FNIP1: variants seen among roughly 807,000 people sequenced by gnomAD.
FNIP1 encodes folliculin-interacting protein 1.
FNIP1 carries 40 observed loss-of-function variants against 124.5 expected under a neutral mutation model. The observed-to-expected ratio is 0.32, with a 90% confidence interval of 0.25 to 0.42. The LOEUF (loss-of-function observed/expected upper bound fraction) is 0.42. FNIP1 is among the 10% of genes least tolerant of loss of function. The probability of loss-of-function intolerance (pLI) is 1.00; values close to 1 mark genes in which losing one functional copy is unlikely to be tolerated. For synonymous variants in FNIP1, 472 were observed against 470.6 expected, an observed-to-expected ratio of 1.00 and a Z score of -0.04; for missense variants, 1,176 against 1,403.7, an observed-to-expected ratio of 0.84 and a Z score of 2.59.
At chr5:131,744,353 C>T (rs887587245) in intron 2 of FNIP1, among the ~76,000 whole-genome samples, 1 of 152,116 alleles carries the variant, frequency 6.6e-6, no homozygotes, top group Non-Finnish European at 1.5e-5. Context: ...CAACTGTCTG[C>T]TTGACTGTCT....
In FNIP1 at chr5:131,704,147, T is replaced by C. The variant is rs1486903364; in HGVS notation, c.1034A>G (p.Asn345Ser). The C allele has an allele frequency of 6.2e-7, 1 of 1,613,004 alleles. No individual in the cohort carries two copies. Among genetic ancestry groups the C allele is most frequent in the Admixed American group, 1.7e-5 (1 of 59,996 alleles). ...IFSLSKDEDE[N>S]NKFNEFFFSH... ...AAAAAAGAATTCATTAAATTTGTTA[T>C]TTTCATCTTCATCTTTGGACAATGA... Residue 345 changes from asparagine to serine, a missense_variant, in exon 10 of 18, where the codon AAT becomes AGT. Asn to Ser is a conservative substitution (Grantham distance 46). Around this residue, in one of 2 missense-constraint regions of FNIP1, gnomAD observed 1,109 missense variants for 1,288.5 expected, o/e 0.86. Coordinates refer to ENST00000510461, the MANE Select transcript of FNIP1 (RefSeq NM_133372.3).
chr5:131,740,038 C>T (rs1258326717), intron 2 of FNIP1, among the ~76,000 whole-genome samples: 1 of 152,068 alleles, frequency 6.6e-6, no homozygotes, highest in Non-Finnish European at 1.5e-5. Flanking sequence ...TCTGTGATAG[C>T]ATTATTTTAC....
chr5:131,642,865 G>GTC lies in FNIP1; in HGVS notation c.*1818_*1819dup, dbSNP rs1484756021. On this transcript the variant is annotated 3_prime_UTR_variant, in exon 18 of 18. Transcript: ENST00000510461. ...GCCTGGGTAACAAGAGTGAAACTCC[G>GTC]TCAAAAAAAAAAAAAAAAAAAAAAA... 1.7e-5 allele frequency: 1 copy of GTC among 59,934 alleles called. No homozygotes were observed. Among genetic ancestry groups the GTC allele is most frequent in the East Asian group, 4.1e-4 (1 of 2,466 alleles). 3.7% of individuals were successfully genotyped at this position (59,934 alleles called of 1,614,324 possible).
intron 17 of FNIP1, 35 bp from the exon 18 acceptor site, chr5:131,644,798 T>C: frequency 6.3e-7 from 1 of 1,598,744 alleles, no homozygotes; most frequent in Non-Finnish European, 8.6e-7. Flanking sequence ...CAGTTTTGAT[T>C]TTCTGTACTG....
At chr5:131,743,775 A>G (rs563193954) in intron 2 of FNIP1, among the ~76,000 whole-genome samples, 1 of 152,300 alleles carries the variant, frequency 6.6e-6, no homozygotes, top group South Asian at 2.1e-4. Flanking sequence ...TCTGCAACCC[A>G]GAAGACAGCC....
chr5:131,726,344 A>T (rs1182430936), intron 3 of FNIP1, among the ~76,000 whole-genome samples: 1 of 152,120 alleles, frequency 6.6e-6, no homozygotes, highest in Non-Finnish European at 1.5e-5. Context: ...TTTGGTTGGC[A>T]GGCCATTAAT....
At chr5:131,771,449 T>G (rs1580825852) in intron 1 of FNIP1, among the ~76,000 whole-genome samples, 1 of 152,182 alleles carries the variant, frequency 6.6e-6, no homozygotes, top group African/African-American at 2.4e-5. Context: ...GCCCACTAGC[T>G]TGAAAACCAG....
intron 11 of FNIP1, among the ~76,000 whole-genome samples, chr5:131,682,165 C>T (rs751530082): frequency 2.0e-5 from 3 of 151,984 alleles, no homozygotes; most frequent in Non-Finnish European, 4.4e-5. Flanking sequence ...ATATGCTGAT[C>T]ATTTAAGACT....
intron 15 of FNIP1, among the ~76,000 whole-genome samples, chr5:131,655,116 T>A (rs1283379546): frequency 6.6e-6 from 1 of 152,156 alleles, no homozygotes; most frequent in Admixed American, 6.5e-5. Context: ...ATGGGTAAAG[T>A]TTTTGGAAAT....
chr5:131,792,246 C>T (rs1231932818), intron 1 of FNIP1, among the ~76,000 whole-genome samples: 1 of 151,610 alleles, frequency 6.6e-6, no homozygotes, highest in Admixed American at 6.6e-5. Flanking sequence ...CTGCAACCTC[C>T]GCCTCCCGGG....
At chr5:131,777,690 G>A (rs1190824527) in intron 1 of FNIP1, among the ~76,000 whole-genome samples, 2 of 152,140 alleles carry the variant, frequency 1.3e-5, no homozygotes, top group African/African-American at 2.4e-5. Flanking sequence ...TATCTTTACT[G>A]AAAAAACTTA....
intron 1 of FNIP1, among the ~76,000 whole-genome samples, chr5:131,766,611 T>TAC (rs1183415452): frequency 2.0e-5 from 3 of 152,148 alleles, no homozygotes; most frequent in Non-Finnish European, 2.9e-5. Context: ...CTCATGAGAT[T>TAC]ACAGAGGCTG....
chr5:131,750,711 T>G (rs898103899), intron 1 of FNIP1, among the ~76,000 whole-genome samples: 1 of 151,936 alleles, frequency 6.6e-6, no homozygotes, highest in Admixed American at 6.6e-5. Flanking sequence ...CTCCTGAGCT[T>G]GAGAGACTCT....
chr5:131,761,410 A>G (rs537114117), intron 1 of FNIP1, among the ~76,000 whole-genome samples: 1 of 152,336 alleles, frequency 6.6e-6, no homozygotes, highest in Admixed American at 6.5e-5. Context: ...GAACTGGTAA[A>G]TTCAGTACAG....
chr5:131,707,232 A>G (rs1360734153), intron 8 of FNIP1, among the ~76,000 whole-genome samples: 1 of 152,130 alleles, frequency 6.6e-6, no homozygotes, highest in Non-Finnish European at 1.5e-5. Context: ...AAGAGCTACA[A>G]CTGCTGATTT....
intron 1 of FNIP1, among the ~76,000 whole-genome samples, chr5:131,783,494 A>AGGAGG (rs1561706561): frequency 2.6e-5 from 4 of 151,930 alleles, no homozygotes; most frequent in African/African-American, 9.7e-5. Flanking sequence ...AATACGGGAG[A>AGGAGG]CTGTCCCTGG....
chr5:131,784,772 T>C (rs535076946), intron 1 of FNIP1, among the ~76,000 whole-genome samples: 1 of 150,952 alleles, frequency 6.6e-6, no homozygotes, highest in South Asian at 2.1e-4. Flanking sequence ...CACTGAGCCA[T>C]GACCACGCCA....
At chr5:131,723,029 G>T (rs531179944) in intron 3 of FNIP1, among the ~76,000 whole-genome samples, 2 of 152,118 alleles carry the variant, frequency 1.3e-5, no homozygotes, top group East Asian at 1.9e-4. Context: ...TCATACCTAG[G>T]TTACTAATAT....
chr5:131,739,500 T>C (rs1433536748), intron 2 of FNIP1, among the ~76,000 whole-genome samples: 2 of 152,178 alleles, frequency 1.3e-5, no homozygotes, highest in Admixed American at 6.5e-5. Flanking sequence ...CATTAGTCTA[T>C]TGCCTATTTA....
Sources: allele counts gnomAD v4.1 joint callset (sites outside exome capture counted in the v4.1 genomes callset), GRCh38; gene constraint gnomAD v4.1.1; regional missense constraint gnomAD v4.1.1; transcripts MANE v1.5; gene names NCBI Gene and HGNC (gene_info 2026-07-23, HGNC 2026-07-21).